SOX5: variants seen among roughly 807,000 people sequenced by gnomAD.
SOX5 encodes transcription factor SOX-5.
Under a neutral mutation model 92.0 loss-of-function variants are expected in SOX5, and 9 were observed. The ratio of observed to expected loss-of-function variants is 0.10; its 90% CI spans 0.06 to 0.17. SOX5 has a LOEUF of 0.17. Ranked by LOEUF, SOX5 falls within the 10% of genes least tolerant of loss-of-function variation. The probability of loss-of-function intolerance (pLI) is 1.00; values close to 1 mark genes in which losing one functional copy is unlikely to be tolerated. For missense variants in SOX5, 642 were observed against 944.5 expected (o/e 0.68, Z 4.20); for synonymous variants, 344 against 336.3 (o/e 1.02, Z -0.25).
At chr12:23,567,095 T>C (rs986169257) in intron 10 of SOX5, among the ~76,000 whole-genome samples, 1 of 152,254 alleles carries the variant, frequency 6.6e-6, no homozygotes, top group Non-Finnish European at 1.5e-5. Context: ...CTTATTAACA[T>C]GGCTTTGACT....
At chr12:24,458,764 C>A (rs1943298982) in intron 1 of SOX5, among the ~76,000 whole-genome samples, 1 of 152,104 alleles carries the variant, frequency 6.6e-6, no homozygotes, top group African/African-American at 2.4e-5. Context: ...CCGGGTGATT[C>A]ATATGCACAT....
intron 2 of SOX5, among the ~76,000 whole-genome samples, chr12:24,284,795 A>G (rs558490528): frequency 6.6e-6 from 1 of 152,240 alleles, no homozygotes; most frequent in East Asian, 1.9e-4. Context: ...TTTACTGTCA[A>G]TGTGTAACAA....
chr12:23,653,301 T>C (rs141242365), intron 7 of SOX5, among the ~76,000 whole-genome samples: 231 of 152,116 alleles, frequency 1.5e-3, no homozygotes, highest in African/African-American at 5.1e-3. Context: ...GCTTTTTTTT[T>C]CTGCTTGGAA....
chr12:24,079,531 C>G (rs1158295172), intron 4 of SOX5, among the ~76,000 whole-genome samples: 1 of 151,904 alleles, frequency 6.6e-6, no homozygotes, highest in Non-Finnish European at 1.5e-5. Context: ...AATGAGAGAA[C>G]AGTAATTTGG....
At chr12:23,824,087 C>T (rs1001776063) in intron 3 of SOX5, among the ~76,000 whole-genome samples, 3 of 151,996 alleles carry the variant, frequency 2.0e-5, no homozygotes, top group Non-Finnish European at 4.4e-5. Context: ...GAGGAGTTTG[C>T]TATTACTCAC....
intron 4 of SOX5, among the ~76,000 whole-genome samples, chr12:24,117,389 A>G (rs903578126): frequency 2.6e-5 from 4 of 152,192 alleles, no homozygotes; most frequent in Admixed American, 2.6e-4. Flanking sequence ...GCAATTTTGG[A>G]GAACAGTATG....
chr12:24,102,970 T>G (rs1214410230), intron 4 of SOX5, among the ~76,000 whole-genome samples: 2 of 152,312 alleles, frequency 1.3e-5, no homozygotes, highest in African/African-American at 4.8e-5. Flanking sequence ...AAGGTTGCCT[T>G]AGCAGTTTTG....
intron 1 of SOX5, among the ~76,000 whole-genome samples, chr12:24,379,436 C>G (rs758249395): frequency 2.0e-5 from 3 of 152,172 alleles, no homozygotes; most frequent in Non-Finnish European, 2.9e-5. Flanking sequence ...TATCCCCTAG[C>G]AATTGAGATT....
intron 2 of SOX5, among the ~76,000 whole-genome samples, chr12:23,877,150 T>A (rs538741344): frequency 2.6e-5 from 4 of 152,028 alleles, no homozygotes; most frequent in African/African-American, 4.8e-5. Flanking sequence ...ATAAAAAAAA[T>A]AAAACTTTCT....
intron 4 of SOX5, among the ~76,000 whole-genome samples, chr12:23,990,149 A>G (rs1950433656): frequency 6.6e-6 from 1 of 152,162 alleles, no homozygotes; most frequent in African/African-American, 2.4e-5. Context: ...CAAAAGACTG[A>G]GCTATAGATT....
intron 9 of SOX5, among the ~76,000 whole-genome samples, chr12:23,580,842 T>C (rs1217459514): frequency 6.6e-6 from 1 of 152,058 alleles, no homozygotes. Flanking sequence ...AATGAAAATT[T>C]GCAACAGATT....
At chr12:23,695,442 T>C (rs937591304) in intron 6 of SOX5, among the ~76,000 whole-genome samples, 2 of 152,236 alleles carry the variant, frequency 1.3e-5, no homozygotes, top group African/African-American at 2.4e-5. Flanking sequence ...AAGTTCTGTG[T>C]AGAAATTCTT....
intron 4 of SOX5, among the ~76,000 whole-genome samples, chr12:23,973,521 A>T (rs529803890): frequency 4.6e-5 from 7 of 152,246 alleles, no homozygotes; most frequent in African/African-American, 1.7e-4. Context: ...ACAAAACAGA[A>T]TACTATACAG....
At chr12:23,823,451 CT>C (rs1354182109) in intron 3 of SOX5, among the ~76,000 whole-genome samples, 1 of 152,192 alleles carries the variant, frequency 6.6e-6, no homozygotes, top group Non-Finnish European at 1.5e-5. Context: ...TCCCCACTCT[CT>C]TCTGGCTTGT....
At position 23,533,437 on chromosome 12, in the gene SOX5, TAAG is replaced by T. The variant is rs1318049888; in HGVS notation, c.*779_*781del. ...TCTAAGATTTAACACTGTCCTAACT[TAAG>T]AAGGAAAAGGAAAAAGTAAAGAGAA... On this transcript the variant is annotated 3_prime_UTR_variant, in exon 15 of 15. Transcript: ENST00000451604. 9.1e-5 allele frequency: 18 copies of T among 197,100 alleles called. 1 individual carries two copies. Among genetic ancestry groups the T allele is most frequent in the East Asian group, 6.2e-4 (5 of 8,106 alleles). 12.2% of individuals were successfully genotyped at this position (197,100 alleles called of 1,614,324 possible). A position where few individuals can be genotyped will look rare whatever the true frequency, so the allele number is the denominator to read the frequency against.
intron 4 of SOX5, among the ~76,000 whole-genome samples, chr12:24,027,842 TCA>T (rs1387141162): frequency 6.6e-6 from 1 of 151,852 alleles, no homozygotes; most frequent in Non-Finnish European, 1.5e-5. Context: ...CACCCCGCAT[TCA>T]GAGTCATCTT....
chr12:23,607,298 C>T (rs570318511), intron 8 of SOX5, among the ~76,000 whole-genome samples: 16 of 152,060 alleles, frequency 1.1e-4, no homozygotes, highest in Non-Finnish European at 2.2e-4. Context: ...AAAATGAACC[C>T]CGTCTTAGAG....
chr12:24,505,723 A>T (rs1948649369), intron 1 of SOX5, among the ~76,000 whole-genome samples: 1 of 152,194 alleles, frequency 6.6e-6, no homozygotes, highest in Non-Finnish European at 1.5e-5. Context: ...ACCCATACGC[A>T]CTATGAGTCC....
chr12:23,750,000 G>A (rs10505905), intron 4 of SOX5, among the ~76,000 whole-genome samples: 6,371 of 151,720 alleles, frequency 0.042, 463 homozygotes, highest in African/African-American at 0.15. Context: ...ATCTAAGGAC[G>A]GAGTATCTTG....
Sources: allele counts gnomAD v4.1 joint callset (sites outside exome capture counted in the v4.1 genomes callset), GRCh38; gene constraint gnomAD v4.1.1; transcripts MANE v1.5; gene names NCBI Gene and HGNC (gene_info 2026-07-23, HGNC 2026-07-21).